Variants in MSN observed in about 807,000 individuals in gnomAD.
MSN encodes epididymis luminal protein 70.
Under a neutral mutation model 48.0 loss-of-function variants are expected in MSN, and 2 were observed. The ratio of observed to expected loss-of-function variants is 0.04; its 90% confidence interval spans 0.02 to 0.13. The LOEUF (loss-of-function observed/expected upper bound fraction) is 0.13, where lower values mean the gene tolerates loss of function less well. MSN is among the 10% of genes least tolerant of loss of function. The pLI, the probability that MSN is intolerant of heterozygous loss-of-function variation, is 1.00. For synonymous variants in MSN, 146 were observed against 166.9 expected (o/e 0.87, Z 0.97); for missense variants, 267 against 470.1 (o/e 0.57, Z 3.99).
chrX:65,681,340 G>C (rs1395995504), intron 1 of MSN, among the ~76,000 whole-genome samples: 1 of 111,940 alleles, frequency 8.9e-6, no homozygotes, highest in African/African-American at 3.3e-5. Context: ...GAAGCTTCTA[G>C]CTCTTCCTGT....
intron 1 of MSN, among the ~76,000 whole-genome samples, chrX:65,683,674 G>GT (rs2071081121): frequency 1.8e-5 from 2 of 110,724 alleles, no homozygotes; most frequent in African/African-American, 6.6e-5. Flanking sequence ...TTTCCCATCT[G>GT]TTTTTTTAGT....
intron 1 of MSN, among the ~76,000 whole-genome samples, chrX:65,651,500 G>T (rs1404134843): frequency 9.3e-6 from 1 of 107,755 alleles, no homozygotes; most frequent in Non-Finnish European, 1.9e-5. Context: ...TGAGAATATG[G>T]TGCTCTTTTT....
Position 65,608,163 on chromosome X carries a change from C to T in MSN, c.-22+19551C>T, listed in dbSNP as rs745953924. On this transcript the variant is annotated intron_variant, in intron 1 of 3. Transcript: ENST00000609672. ...AAGGAAAGGGGGTGGGAAGGATTTACAATCTTTGGATATGGGCTGGGCAGA... is the reference window on the plus strand; with the variant it reads ...AAGGAAAGGGGGTGGGAAGGATTTATAATCTTTGGATATGGGCTGGGCAGA... Among the ~76,000 whole-genome samples, 73 of 111,236 alleles carry T rather than the reference C, an allele frequency of 6.6e-4. 1 individual carries two copies. The Middle Eastern group carries it at 0.013, about 19-fold the overall frequency.
upstream of MSN, among the ~76,000 whole-genome samples, chrX:65,664,591 G>C (rs766818200): frequency 6.4e-5 from 7 of 109,597 alleles, no homozygotes; most frequent in Non-Finnish European, 1.1e-4. Context: ...AGTGAGACTG[G>C]ACTAACTAGT....
chrX:65,710,988 G>T (rs1208866391), intron 1 of MSN, among the ~76,000 whole-genome samples: 1 of 104,463 alleles, frequency 9.6e-6, no homozygotes, highest in East Asian at 3.0e-4. Context: ...GGGTTCAAGC[G>T]ATTCTCCTGC....
chrX:65,641,549 AGTATATATATATATATAT>A lies in MSN; in HGVS notation c.-22+52938_-22+52955del, dbSNP rs1278934259. ...GGTCTCAAAAAAAAAAAAAAAGTGA[AGTATATATATATATATAT>A]ATATATATATATATATATATATATA... On this transcript the variant is annotated intron_variant, in intron 1 of 3. Transcript: ENST00000609672. Among the ~76,000 whole-genome samples the A allele has an allele frequency of 5.5e-4, 18 of 32,564 alleles. 1 individual carries two copies. The highest frequency in any genetic ancestry group is 1.9e-3 in the African/African-American group (18 of 9,247). 28.3% of individuals were successfully genotyped at this position (32,564 alleles called of 115,157 possible).
intron 1 of MSN, among the ~76,000 whole-genome samples, chrX:65,614,866 C>T (rs1602719523): frequency 6.2e-5 from 4 of 64,049 alleles, no homozygotes; most frequent in Admixed American, 4.2e-4. Context: ...CCCCCCACCC[C>T]ACAACAGTCC....
chrX:65,704,770 G>C (rs1182843271), intron 1 of MSN, among the ~76,000 whole-genome samples: 1 of 107,705 alleles, frequency 9.3e-6, no homozygotes, highest in African/African-American at 3.4e-5. Context: ...TCAAAAGCCA[G>C]GTTTTTTTTT....
chrX:65,638,548 G>T lies in MSN; in HGVS notation c.-22+49936G>T, dbSNP rs1001574254. Among the ~76,000 whole-genome samples the T allele has an allele frequency of 7.1e-5, 8 of 112,008 alleles. No homozygotes were observed. The East Asian group carries it at 8.3e-4, about 12-fold the overall frequency. On this transcript the variant is annotated intron_variant, in intron 1 of 3. Transcript: ENST00000609672. The stretch of plus-strand genomic sequence containing the variant: ...TGTAATCAGAAAGACCTGGATTTTG[G>T]TTTTTTTCTTTTTTCTTTTTCTTTT...
intron 1 of MSN, among the ~76,000 whole-genome samples, chrX:65,599,410 A>G (rs1010030292): frequency 1.8e-5 from 2 of 112,795 alleles, no homozygotes; most frequent in African/African-American, 6.4e-5. Context: ...TGAGGCGGGC[A>G]GATCATGAGG....
At chrX:65,664,336 G>A (rs781652186), upstream of MSN, among the ~76,000 whole-genome samples, 2 of 111,458 alleles carry the variant, frequency 1.8e-5, no homozygotes, top group Non-Finnish European at 3.8e-5. Flanking sequence ...GGAGGGAAGA[G>A]GACATGGGTT....
chrX:65,632,729 G>A (rs1026466099), intron 1 of MSN, among the ~76,000 whole-genome samples: 4 of 111,703 alleles, frequency 3.6e-5, no homozygotes, highest in East Asian at 2.8e-4. Context: ...GAAGGTTCAC[G>A]TGTATAAAGT....
In MSN at chrX:65,716,827, C is replaced by T. The variant is rs759664613; in HGVS notation, c.22C>T (p.Arg8Cys). The T allele has an allele frequency of 3.2e-5, 39 of 1,206,604 alleles. No individual in the cohort carries two copies. The highest frequency in any genetic ancestry group is 3.8e-5 in the Non-Finnish European group (34 of 893,553). Reference sequence around the variant, plus strand: ...TTTGATCTCATCCTAGATCAGTGTGCGTGTGACCACCATGGATGCAGAGCT... The same window carrying T: ...TTTGATCTCATCCTAGATCAGTGTGTGTGTGACCACCATGGATGCAGAGCT... MPKTISV[R>C]VTTMDAELEF... Residue 8 changes from arginine to cysteine, a missense_variant, in exon 2 of 13, where the codon CGT (arginine) becomes TGT (cysteine). Physicochemically the swap from Arg to Cys is radical, Grantham distance 180 (BLOSUM62 -3). Coordinates refer to ENST00000360270, the MANE Select transcript of MSN (RefSeq NM_002444.3).
chrX:65,621,315 T>C (rs1396866105), intron 1 of MSN, among the ~76,000 whole-genome samples: 1 of 112,164 alleles, frequency 8.9e-6, no homozygotes, highest in African/African-American at 3.2e-5. Context: ...CCAACTTTAT[T>C]CTTTTCATAT....
At chrX:65,649,584 A>ATATAT (rs1449370067) in intron 1 of MSN, among the ~76,000 whole-genome samples, 5 of 98,848 alleles carry the variant, frequency 5.1e-5, no homozygotes, top group African/African-American at 2.0e-4. Flanking sequence ...TCAAAAAAAA[A>ATATAT]AAAAATATAT....
At chrX:65,637,716 G>A (rs938824973) in intron 1 of MSN, among the ~76,000 whole-genome samples, 9 of 109,182 alleles carry the variant, frequency 8.2e-5, no homozygotes, top group East Asian at 2.9e-4. Context: ...TAATAGAGGC[G>A]GGGTCTCACT....
chrX:65,601,125 C>T (rs2070231761), intron 1 of MSN, among the ~76,000 whole-genome samples: 1 of 112,193 alleles, frequency 8.9e-6, no homozygotes, highest in South Asian at 3.6e-4. Flanking sequence ...GCAAAAATGT[C>T]ATCCTGCCTT....
rs774375466 is a variant in MSN at position 65,739,041 on chromosome X, G to A, written c.1416G>A (p.Val472=). The part of the protein sequence containing the change: ...ELKTAMSTPH[V]AEPAENEQDE... ...AGACTGCCATGAGTACACCTCATGT[G>A]GCAGAGCCTGCTGAGAATGAGCAGG... Residue 472 remains valine, a synonymous_variant, in exon 12 of 13, where the codon GTG becomes GTA. Coordinates refer to ENST00000360270, the MANE Select transcript of MSN (RefSeq NM_002444.3). 52 of 1,211,888 alleles carry A rather than the reference G, an allele frequency of 4.3e-5. No homozygotes were observed. Among genetic ancestry groups the A allele is most frequent in the Non-Finnish European group, 5.4e-5 (48 of 895,497 alleles).
chrX:65,714,585 A>G (rs1379319616), intron 1 of MSN, among the ~76,000 whole-genome samples: 2 of 111,479 alleles, frequency 1.8e-5, no homozygotes, highest in South Asian at 3.6e-4. Context: ...AATTTTTTAT[A>G]TATGCTTCTT....
Sources: allele counts gnomAD v4.1 joint callset (sites outside exome capture counted in the v4.1 genomes callset), GRCh38; gene constraint gnomAD v4.1.1; transcripts MANE v1.5; gene names NCBI Gene and HGNC (gene_info 2026-07-23, HGNC 2026-07-21).